The following OTUD7A variants were observed in gnomAD, a reference collection of about 807,000 sequenced individuals.
OTUD7A encodes the protein OTU deubiquitinase 7A.
In OTUD7A, 12 loss-of-function variants were observed where a neutral mutation model predicts 65.7. The observed-to-expected ratio is 0.18, with a 90% CI of 0.12 to 0.30. The LOEUF (loss-of-function observed/expected upper bound fraction) is 0.30, where lower values mean the gene tolerates loss of function less well. OTUD7A is among the 10% of genes least tolerant of loss of function. The probability of loss-of-function intolerance (pLI) is 1.00; values close to 1 mark genes in which losing one functional copy is unlikely to be tolerated. For synonymous variants in OTUD7A, 641 were observed against 586.3 expected (o/e 1.09, Z -1.35); for missense variants, 1,148 against 1,304.8 (o/e 0.88, Z 1.85).
intron 1 of OTUD7A, among the ~76,000 whole-genome samples, chr15:31,867,894 T>TGCGGGAGCGGAGGGGGAGGGGCGGGGG: frequency 8.0e-6 from 1 of 124,992 alleles, no homozygotes; most frequent in African/African-American, 3.0e-5. Context: ...AAGACAGGCA[T>TGCGGGAGCGGAGGGGGAGGGGCGGGGG]GCGGGAGCGG....
chr15:31,589,107 C>A (rs893481988), intron 3 of OTUD7A, among the ~76,000 whole-genome samples: 1 of 152,118 alleles, frequency 6.6e-6, no homozygotes, highest in African/African-American at 2.4e-5. Flanking sequence ...GCTTCTACCT[C>A]AAACATTTGA....
chr15:31,676,447 T>C (rs1246450286), intron 1 of OTUD7A, among the ~76,000 whole-genome samples: 1 of 152,196 alleles, frequency 6.6e-6, no homozygotes, highest in Non-Finnish European at 1.5e-5. Context: ...GCCAGTTCTT[T>C]CTCCTCCATG....
rs537033693 is a variant in OTUD7A at position 31,490,347 on chromosome 15, A to G, written c.1172-2781T>C. 1.2e-3 allele frequency among the ~76,000 whole-genome samples: 181 copies of G among 152,378 alleles called. 1 individual carries two copies. Among genetic ancestry groups the G allele is most frequent in the African/African-American group, 3.9e-3 (163 of 41,596 alleles). Reference sequence around the variant, plus strand: ...TCTTTTAGCCTGGAAACATATAGGCATCATCTCATGCTAGCCTGAATATAT... The same window carrying G: ...TCTTTTAGCCTGGAAACATATAGGCGTCATCTCATGCTAGCCTGAATATAT... On this transcript the variant is annotated intron_variant, in intron 10 of 12. Transcript: ENST00000307050.
chr15:31,601,531 A>G (rs545847578), intron 3 of OTUD7A, among the ~76,000 whole-genome samples: 2 of 152,346 alleles, frequency 1.3e-5, no homozygotes, highest in African/African-American at 4.8e-5. Flanking sequence ...CGACACCCTA[A>G]CATCACAATT....
At chr15:31,579,051 C>G (rs1383329411) in intron 3 of OTUD7A, among the ~76,000 whole-genome samples, 1 of 152,078 alleles carries the variant, frequency 6.6e-6, no homozygotes, top group African/African-American at 2.4e-5. Flanking sequence ...AATGAAAAAG[C>G]CCCAAAGAGA....
chr15:31,754,598 C>A (rs1894756464), intron 1 of OTUD7A, among the ~76,000 whole-genome samples: 1 of 152,128 alleles, frequency 6.6e-6, no homozygotes, highest in Non-Finnish European at 1.5e-5. Flanking sequence ...TATCCCAGCA[C>A]CATTGTTGAA....
intron 10 of OTUD7A, among the ~76,000 whole-genome samples, chr15:31,497,822 C>T (rs2041411227): frequency 6.6e-6 from 1 of 152,136 alleles, no homozygotes; most frequent in South Asian, 2.1e-4. Context: ...GGGGATGGTT[C>T]CTCCTTTCTC....
intron 1 of OTUD7A, among the ~76,000 whole-genome samples, chr15:31,737,956 T>C (rs1439323900): frequency 1.3e-5 from 2 of 152,206 alleles, no homozygotes; most frequent in African/African-American, 4.8e-5. Context: ...AATGTATAGG[T>C]GTAGCTGGTA....
At chr15:31,741,144 A>T (rs1894331815) in intron 1 of OTUD7A, among the ~76,000 whole-genome samples, 1 of 152,228 alleles carries the variant, frequency 6.6e-6, no homozygotes, top group Non-Finnish European at 1.5e-5. Flanking sequence ...AAGAGATCAT[A>T]CAGACCAAGT....
At chr15:31,614,125 T>C (rs750208239) in intron 3 of OTUD7A, among the ~76,000 whole-genome samples, 2 of 152,098 alleles carry the variant, frequency 1.3e-5, no homozygotes, top group Non-Finnish European at 2.9e-5. Flanking sequence ...ATAGGAATGA[T>C]ACAATGGACT....
At chr15:31,629,022 A>C (rs1397664811) in intron 3 of OTUD7A, among the ~76,000 whole-genome samples, 3 of 152,106 alleles carry the variant, frequency 2.0e-5, no homozygotes, top group African/African-American at 7.2e-5. Context: ...TAGATATACA[A>C]TCATGTCATC....
chr15:31,852,290 A>G (rs2141006099), intron 1 of OTUD7A, among the ~76,000 whole-genome samples: 1 of 152,356 alleles, frequency 6.6e-6, no homozygotes, highest in African/African-American at 2.4e-5. Context: ...CCCACAGGAC[A>G]TTCCACAGTA....
intron 1 of OTUD7A, among the ~76,000 whole-genome samples, chr15:31,851,847 T>TGTTTG (rs1897434168): frequency 6.6e-6 from 1 of 152,100 alleles, no homozygotes; most frequent in Non-Finnish European, 1.5e-5. Context: ...TTTTGTGTTT[T>TGTTTG]GTTTGTTTTG....
intron 3 of OTUD7A, among the ~76,000 whole-genome samples, chr15:31,622,011 C>T (rs544949416): frequency 3.3e-5 from 5 of 152,264 alleles, no homozygotes; most frequent in African/African-American, 1.2e-4. Context: ...TTTATTTCTC[C>T]TTCACTTATG....
chr15:31,501,404 A>G (rs1450739123), intron 10 of OTUD7A, among the ~76,000 whole-genome samples: 2 of 152,232 alleles, frequency 1.3e-5, no homozygotes, highest in African/African-American at 2.4e-5. Flanking sequence ...GCATTCCTAT[A>G]AAATATGTAT....
chr15:31,501,356 G>T (rs35046617), intron 10 of OTUD7A, among the ~76,000 whole-genome samples: 5,442 of 152,122 alleles, frequency 0.036, 169 homozygotes, highest in African/African-American at 0.081. Context: ...ACTTGCTTTT[G>T]AAGTTTTTTT....
chr15:31,671,946 A>C (rs35883338), intron 1 of OTUD7A, among the ~76,000 whole-genome samples: 1 of 152,034 alleles, frequency 6.6e-6, no homozygotes, highest in Non-Finnish European at 1.5e-5. Context: ...TAGGTCCCGG[A>C]GTCTGTTGTT....
intron 1 of OTUD7A, among the ~76,000 whole-genome samples, chr15:31,822,513 T>G (rs1449857464): frequency 6.6e-6 from 1 of 152,222 alleles, no homozygotes; most frequent in Non-Finnish European, 1.5e-5. Flanking sequence ...ACAAAGCAGG[T>G]GCTGTGGAGG....
At chr15:31,581,626 G>T (rs995989657) in intron 3 of OTUD7A, among the ~76,000 whole-genome samples, 4 of 152,356 alleles carry the variant, frequency 2.6e-5, no homozygotes, top group Non-Finnish European at 5.9e-5. Flanking sequence ...CTTGGGACTT[G>T]CACCCTCTGA....
Sources: allele counts gnomAD v4.1 joint callset (sites outside exome capture counted in the v4.1 genomes callset), GRCh38; gene constraint gnomAD v4.1.1; transcripts MANE v1.5; gene names NCBI Gene and HGNC (gene_info 2026-07-23, HGNC 2026-07-21).